The following CHCHD3 variants were observed in gnomAD, a reference collection of about 807,000 sequenced individuals.
CHCHD3 encodes MICOS complex subunit MIC19.
In CHCHD3, 20 loss-of-function variants were observed where a neutral mutation model predicts 38.2. The observed-to-expected ratio is 0.52, with a 90% CI of 0.37 to 0.76. CHCHD3 has a LOEUF of 0.76. Among genes scored for constraint, CHCHD3 ranks in the 30% least tolerant of loss-of-function variants. The pLI is 0.00. For synonymous variants in CHCHD3, 82 were observed against 100.0 expected, an observed-to-expected ratio of 0.82 and a Z score of 1.07; for missense variants, 245 against 279.2, an observed-to-expected ratio of 0.88 and a Z score of 0.87.
intron 2 of CHCHD3, among the ~76,000 whole-genome samples, chr7:133,029,687 G>A (rs543439167): frequency 6.6e-6 from 1 of 152,270 alleles, no homozygotes; most frequent in Admixed American, 6.5e-5. Context: ...AATGTGGAGA[G>A]GAAGTGGTTT....
intron 4 of CHCHD3, among the ~76,000 whole-genome samples, chr7:132,906,579 C>T (rs1809809982): frequency 6.6e-6 from 1 of 152,118 alleles, no homozygotes; most frequent in Admixed American, 6.5e-5. Flanking sequence ...TGTGACAAGA[C>T]TGGTTTTAGC....
chr7:132,811,993 TACC>T (rs1807082161), intron 6 of CHCHD3, among the ~76,000 whole-genome samples: 1 of 152,100 alleles, frequency 6.6e-6, no homozygotes, highest in Non-Finnish European at 1.5e-5. Context: ...GCATTACAGG[TACC>T]ACATGTTTAA....
At chr7:132,965,452 T>C (rs1400278927) in intron 4 of CHCHD3, among the ~76,000 whole-genome samples, 3 of 130,310 alleles carry the variant, frequency 2.3e-5, no homozygotes, top group African/African-American at 5.7e-5. Flanking sequence ...CTTAGTTAAA[T>C]GAAAAAAAAA....
At chr7:133,012,373 C>T (rs1812899191) in intron 3 of CHCHD3, among the ~76,000 whole-genome samples, 1 of 152,126 alleles carries the variant, frequency 6.6e-6, no homozygotes, top group African/African-American at 2.4e-5. Flanking sequence ...AAACAAAACA[C>T]AAAAAGTCCT....
intron 4 of CHCHD3, among the ~76,000 whole-genome samples, chr7:132,906,637 T>C (rs1053113272): frequency 3.9e-5 from 6 of 152,152 alleles, no homozygotes; most frequent in Non-Finnish European, 7.4e-5. Context: ...TTTTCCTTTT[T>C]TCTTTTTGTC....
intron 4 of CHCHD3, among the ~76,000 whole-genome samples, chr7:132,905,244 T>C (rs1440302634): frequency 2.0e-5 from 3 of 151,946 alleles, no homozygotes; most frequent in East Asian, 3.9e-4. Flanking sequence ...ACTTAAAGTA[T>C]AATAATACTA....
intron 4 of CHCHD3, among the ~76,000 whole-genome samples, chr7:132,921,871 T>G (rs1422812889): frequency 6.6e-6 from 1 of 152,194 alleles, no homozygotes; most frequent in Non-Finnish European, 1.5e-5. Context: ...AGACAAAGAA[T>G]TTATATTTTC....
chr7:132,846,498 C>T (rs781053884), intron 5 of CHCHD3, among the ~76,000 whole-genome samples: 3 of 152,230 alleles, frequency 2.0e-5, no homozygotes, highest in Admixed American at 6.5e-5. Flanking sequence ...ACTGATTATG[C>T]TCCTTCTCTG....
intron 1 of CHCHD3, among the ~76,000 whole-genome samples, chr7:133,077,618 A>G (rs2117554266): frequency 6.6e-6 from 1 of 152,380 alleles, no homozygotes; most frequent in Non-Finnish European, 1.5e-5. Flanking sequence ...TAAACTTGCG[A>G]AAGATAGAGT....
intron 5 of CHCHD3, among the ~76,000 whole-genome samples, chr7:132,857,212 G>A (rs1017602894): frequency 1.3e-5 from 2 of 151,994 alleles, no homozygotes; most frequent in African/African-American, 4.8e-5. Flanking sequence ...AAAGGAGCTA[G>A]GAAGAGAGGC....
intron 4 of CHCHD3, among the ~76,000 whole-genome samples, chr7:132,952,612 G>C (rs1248727081): frequency 2.0e-5 from 3 of 152,206 alleles, no homozygotes; most frequent in Non-Finnish European, 2.9e-5. Context: ...GAGATGAGCA[G>C]TTCACTTTCA....
chr7:132,970,211 C>A (rs568802197), intron 4 of CHCHD3, among the ~76,000 whole-genome samples: 61 of 152,316 alleles, frequency 4.0e-4, no homozygotes, highest in Admixed American at 3.3e-3. Context: ...GCCTGCAATA[C>A]CTAAGGCTGT....
intron 6 of CHCHD3, among the ~76,000 whole-genome samples, chr7:132,805,878 G>A (rs1806907824): frequency 6.6e-6 from 1 of 152,200 alleles, no homozygotes; most frequent in Admixed American, 6.5e-5. Flanking sequence ...AGGCCTTGGG[G>A]ATTTAAAGAA....
chr7:132,967,756 G>A (rs1024921798), intron 4 of CHCHD3, among the ~76,000 whole-genome samples: 1 of 151,632 alleles, frequency 6.6e-6, no homozygotes, highest in Non-Finnish European at 1.5e-5. Flanking sequence ...CTTGAGCCTG[G>A]GAGGTCAAGG....
chr7:133,003,679 C>T (rs545903881), intron 3 of CHCHD3, among the ~76,000 whole-genome samples: 43 of 152,294 alleles, frequency 2.8e-4, no homozygotes, highest in African/African-American at 9.4e-4. Context: ...TTCTGTTTTA[C>T]ACTTGCCGAG....
chr7:132,923,496 G>A (rs1030305285), intron 4 of CHCHD3, among the ~76,000 whole-genome samples: 6 of 152,014 alleles, frequency 3.9e-5, no homozygotes, highest in South Asian at 2.1e-4. Flanking sequence ...CTTTTGGGAC[G>A]TACAACCAGC....
chr7:132,942,072 T>G (rs763507521), intron 4 of CHCHD3, among the ~76,000 whole-genome samples: 6 of 152,150 alleles, frequency 3.9e-5, no homozygotes, highest in Admixed American at 3.9e-4. Context: ...CTAAGTCACG[T>G]GACTTCCTGA....
intron 3 of CHCHD3, among the ~76,000 whole-genome samples, chr7:132,979,061 C>T (rs1356129455): frequency 6.6e-6 from 1 of 152,158 alleles, no homozygotes; most frequent in Non-Finnish European, 1.5e-5. Flanking sequence ...GCTGTACAAT[C>T]TAATAAGCCT....
At chr7:132,887,068 A>C in intron 4 of CHCHD3, 1 of 667,126 alleles carries the variant, frequency 1.5e-6, no homozygotes, top group Non-Finnish European at 2.1e-6. Context: ...CACACACAAA[A>C]TCTGATGGAT....
Sources: gnomAD v4.1 joint callset for allele counts (sites outside exome capture counted in the v4.1 genomes callset) on GRCh38, gnomAD v4.1.1 for gene constraint, MANE v1.5 for transcripts, NCBI Gene and HGNC (gene_info 2026-07-23, HGNC 2026-07-21) for gene names.